Variants in ALDH1L1 observed in about 807,000 individuals in gnomAD.
ALDH1L1 encodes aldehyde dehydrogenase 1 family member L1, also known as cytosolic 10-formyltetrahydrofolate dehydrogenase.
In ALDH1L1, 68 loss-of-function variants were observed where a neutral mutation model predicts 101.1. The ratio of observed to expected loss-of-function variants is 0.67; its 90% CI spans 0.55 to 0.82. The LOEUF (loss-of-function observed/expected upper bound fraction) is 0.82. ALDH1L1 is among the 40% of genes least tolerant of loss of function. The pLI is 0.00. For missense variants in ALDH1L1, 1,087 were observed against 1,172.7 expected, an observed-to-expected ratio of 0.93 and a Z score of 1.07; for synonymous variants, 486 against 470.8, an observed-to-expected ratio of 1.03 and a Z score of -0.42.
upstream of ALDH1L1, among the ~76,000 whole-genome samples, chr3:126,181,703 T>G (rs1445171856): frequency 6.6e-6 from 1 of 152,258 alleles, no homozygotes; most frequent in Non-Finnish European, 1.5e-5. Flanking sequence ...GTAAGCTCTT[T>G]GAGGACAGGA....
At position 126,125,725 on chromosome 3, in the gene ALDH1L1, C is replaced by A. The variant is rs1424553269; in HGVS notation, c.1695-4G>T. Reference sequence around the variant, plus strand: ...GGGGATGATGATGCCACAAACCCTGCCACACAAAAGAGGTTGGCCTTTGTC... The same window carrying A: ...GGGGATGATGATGCCACAAACCCTGACACACAAAAGAGGTTGGCCTTTGTC... On this transcript the variant is annotated splice_region_variant and splice_polypyrimidine_tract_variant and intron_variant, in intron 14 of 22. Coordinates refer to ENST00000393434, the MANE Select transcript of ALDH1L1 (RefSeq NM_012190.4). 2 of 1,543,024 alleles carry A rather than the reference C, an allele frequency of 1.3e-6. No individual in the cohort carries two copies. The highest frequency in any genetic ancestry group is 1.4e-5 in the African/African-American group (1 of 72,410).
At position 126,147,182 on chromosome 3, in the gene ALDH1L1, C is replaced by T. The variant is rs552704602; in HGVS notation, c.985-256G>A. Among the ~76,000 whole-genome samples the T allele has an allele frequency of 1.1e-4, 17 of 152,322 alleles. No individual in the cohort carries two copies. In the East Asian group the frequency reaches 1.9e-3, roughly 17 times the overall value. On this transcript the variant is annotated intron_variant, in intron 8 of 22. Transcript: ENST00000393434. ...CTCATGCCCACCTCACCTCAACCCC[C>T]AGCTTCTCTGGGGTCCCCATGACAG...
chr3:126,130,125 C>T lies in ALDH1L1; in HGVS notation c.1694+98G>A, dbSNP rs114836115. 1,005 of 1,154,558 alleles carry T rather than the reference C, an allele frequency of 8.7e-4. 5 individuals are homozygous for T. In the African/African-American group the frequency reaches 0.012, roughly 13 times the overall value. 71.5% of individuals were successfully genotyped at this position (1,154,558 alleles called of 1,614,324 possible). ...CATGGATGGCTGTTTGATAAATGCA[C>T]GCACAGGGTGCTGTGAGCTCCCGCA... On this transcript the variant is annotated intron_variant, in intron 14 of 22. Transcript: ENST00000393434.
Position 126,154,761 on chromosome 3 carries a change from T to C in ALDH1L1, c.631-118A>G, listed in dbSNP as rs1463393601. On this transcript the variant is annotated intron_variant, in intron 5 of 22. Coordinates refer to ENST00000393434, the MANE Select transcript of ALDH1L1 (RefSeq NM_012190.4). ...ACAGCTGGTAACCCCAGCTTCCTCT[T>C]AGACACTTGCAGGAGTCCCTGAGCT... The C allele has an allele frequency of 1.7e-5, 15 of 870,566 alleles. No individual in the cohort carries two copies. In the Admixed American group the frequency reaches 2.3e-4, roughly 13 times the overall value. 53.9% of individuals were successfully genotyped at this position (870,566 alleles called of 1,614,324 possible).
chr3:126,117,663 C>A (rs1321193608), intron 17 of ALDH1L1, among the ~76,000 whole-genome samples: 3 of 126,812 alleles, frequency 2.4e-5, no homozygotes, highest in African/African-American at 1.1e-4. Context: ...AAAAAAAAAA[C>A]AACAACAAAA....
At chr3:126,130,007 G>A in intron 14 of ALDH1L1, 1 of 415,792 alleles carries the variant, frequency 2.4e-6, no homozygotes, top group Non-Finnish European at 4.1e-6. Flanking sequence ...TCCCACCGTG[G>A]ACCTGACTGA....
chr3:126,165,360 C>T (rs775164338), intron 1 of ALDH1L1, among the ~76,000 whole-genome samples: 2 of 152,208 alleles, frequency 1.3e-5, no homozygotes, highest in African/African-American at 2.4e-5. Flanking sequence ...CTATGTTCAT[C>T]GGGGATATTG....
chr3:126,168,815 C>T (rs1265945857), intron 1 of ALDH1L1, among the ~76,000 whole-genome samples: 1 of 152,078 alleles, frequency 6.6e-6, no homozygotes, highest in African/African-American at 2.4e-5. Context: ...TATGGGATGT[C>T]TAAGGTTCTT....
chr3:126,144,960 G>C (rs1246884413), intron 9 of ALDH1L1, among the ~76,000 whole-genome samples: 2 of 152,098 alleles, frequency 1.3e-5, no homozygotes, highest in Non-Finnish European at 2.9e-5. Flanking sequence ...AAACATATAA[G>C]GAGTTCCTAC....
At chr3:126,180,942 A>G (rs1487393585), upstream of ALDH1L1, 2 of 1,609,464 alleles carry the variant, frequency 1.2e-6, no homozygotes, top group African/African-American at 2.7e-5. Context: ...ACCCTCTCTC[A>G]CTCTTGATGG....
chr3:126,165,681 T>C (rs538623953), intron 1 of ALDH1L1, among the ~76,000 whole-genome samples: 1 of 152,302 alleles, frequency 6.6e-6, no homozygotes, highest in South Asian at 2.1e-4. Flanking sequence ...AATTTATCCA[T>C]TTCCTTTAGA....
chr3:126,130,073 T>A, intron 14 of ALDH1L1, 150 bp downstream of exon 14: 1 of 600,764 alleles, frequency 1.7e-6, no homozygotes, highest in Non-Finnish European at 2.6e-6. Flanking sequence ...CAACAATGCC[T>A]GGCATGGAGC....
intron 16 of ALDH1L1, among the ~76,000 whole-genome samples, chr3:126,118,771 C>T (rs1453502929): frequency 6.6e-6 from 1 of 152,110 alleles, no homozygotes; most frequent in Non-Finnish European, 1.5e-5. Flanking sequence ...TCATAGACTC[C>T]AAAACACCCG....
chr3:126,133,024 C>T (rs1011125132), intron 12 of ALDH1L1, among the ~76,000 whole-genome samples: 16 of 152,152 alleles, frequency 1.1e-4, no homozygotes, highest in Non-Finnish European at 2.1e-4. Flanking sequence ...ACCTAGCGGC[C>T]GATAGAGGAC....
intron 17 of ALDH1L1, 151 bp downstream of exon 17, chr3:126,117,854 C>A: frequency 1.3e-6 from 1 of 758,170 alleles, no homozygotes; most frequent in Non-Finnish European, 2.1e-6. Context: ...AAGGCAGATG[C>A]CTCTTCAGCG....
chr3:126,162,834 G>A (rs368151658), intron 1 of ALDH1L1, among the ~76,000 whole-genome samples: 15 of 152,220 alleles, frequency 9.9e-5, no homozygotes, highest in Admixed American at 7.2e-4. Context: ...TACATTAGAT[G>A]TGCAATCCCT....
intron 12 of ALDH1L1, among the ~76,000 whole-genome samples, chr3:126,134,788 G>C (rs540932222): frequency 3.3e-5 from 5 of 152,114 alleles, no homozygotes; most frequent in African/African-American, 1.2e-4. Context: ...ACCCCTAGAC[G>C]TTCCCAGGAC....
chr3:126,162,421 A>G (rs1576479050), intron 1 of ALDH1L1, among the ~76,000 whole-genome samples: 1 of 152,212 alleles, frequency 6.6e-6, no homozygotes, highest in Non-Finnish European at 1.5e-5. Context: ...CTGATGACCA[A>G]TGAAGTCGAA....
intron 9 of ALDH1L1, among the ~76,000 whole-genome samples, chr3:126,142,983 T>A (rs2080595917): frequency 6.6e-6 from 1 of 152,232 alleles, no homozygotes; most frequent in African/African-American, 2.4e-5. Context: ...AAATGTTAAA[T>A]CATGAATGCA....
Sources: gnomAD v4.1 joint callset for allele counts (sites outside exome capture counted in the v4.1 genomes callset) on GRCh38, gnomAD v4.1.1 for gene constraint, MANE v1.5 for transcripts, NCBI Gene and HGNC (gene_info 2026-07-23, HGNC 2026-07-21) for gene names.